Variants in PTPRD observed in about 807,000 individuals in gnomAD.
The protein encoded by PTPRD is receptor-type tyrosine-protein phosphatase delta.
In PTPRD, 34 loss-of-function variants were observed where a neutral mutation model predicts 214.5. The observed-to-expected ratio is 0.16, with a 90% CI of 0.12 to 0.21. PTPRD has a LOEUF of 0.21. Ranked by LOEUF, PTPRD falls within the 10% of genes least tolerant of loss-of-function variation. The probability of loss-of-function intolerance (pLI) is 1.00; values close to 1 mark genes in which losing one functional copy is unlikely to be tolerated. For synonymous variants in PTPRD, 1,128 were observed against 845.7 expected, an observed-to-expected ratio of 1.33 and a Z score of -5.79; for missense variants, 2,545 against 2,398.7, an observed-to-expected ratio of 1.06 and a Z score of -1.27.
intron 2 of PTPRD, among the ~76,000 whole-genome samples, chr9:10,539,736 G>T (rs1239566042): frequency 6.6e-6 from 1 of 152,060 alleles, no homozygotes; most frequent in Non-Finnish European, 1.5e-5. Context: ...GACCCTCTTT[G>T]CTCTCTGTCA....
At chr9:9,474,249 A>T (rs1390875969) in intron 8 of PTPRD, among the ~76,000 whole-genome samples, 5 of 152,122 alleles carry the variant, frequency 3.3e-5, no homozygotes, top group Non-Finnish European at 7.4e-5. Context: ...ACCTCTATAG[A>T]AAATCAGGTG....
chr9:9,549,120 TAGAA>T (rs1175920266), intron 8 of PTPRD, among the ~76,000 whole-genome samples: 2 of 151,988 alleles, frequency 1.3e-5, no homozygotes, highest in African/African-American at 2.4e-5. Context: ...AGATAAGAAA[TAGAA>T]AGCACAAACT....
At chr9:8,451,785 C>G (rs1040432899) in intron 33 of PTPRD, 1 of 411,550 alleles carries the variant, frequency 2.4e-6, no homozygotes, top group Non-Finnish European at 4.8e-6. Flanking sequence ...TCAGGCCCAA[C>G]GACTAAAATT....
At chr9:9,574,548 G>A (rs1358888010) in intron 8 of PTPRD, among the ~76,000 whole-genome samples, 184 bp downstream of exon 8, 2 of 151,828 alleles carry the variant, frequency 1.3e-5, no homozygotes, top group Non-Finnish European at 2.9e-5. Context: ...TCAAATAACT[G>A]TATTACTATA....
chr9:9,957,983 T>A (rs539359260), intron 4 of PTPRD, among the ~76,000 whole-genome samples: 50 of 152,260 alleles, frequency 3.3e-4, no homozygotes, highest in Admixed American at 1.1e-3. Context: ...GGAAAAGGTA[T>A]CTTTCAGCAA....
At chr9:10,152,977 T>G (rs572963040) in intron 3 of PTPRD, among the ~76,000 whole-genome samples, 1 of 152,150 alleles carries the variant, frequency 6.6e-6, no homozygotes, top group Non-Finnish European at 1.5e-5. Context: ...TTGAACTAAT[T>G]GAAGTAGAGA....
At chr9:8,776,856 ATAT>A (rs1010985611) in intron 11 of PTPRD, among the ~76,000 whole-genome samples, 31 of 147,632 alleles carry the variant, frequency 2.1e-4, no homozygotes, top group African/African-American at 4.7e-4. Flanking sequence ...TAATATAAAA[ATAT>A]TATATAATAC....
intron 3 of PTPRD, among the ~76,000 whole-genome samples, chr9:10,172,540 T>G (rs574979068): frequency 9.2e-5 from 14 of 152,324 alleles, no homozygotes; most frequent in Non-Finnish European, 1.8e-4. Flanking sequence ...TGTGAGCCAC[T>G]ACATCATGCC....
intron 9 of PTPRD, among the ~76,000 whole-genome samples, chr9:9,311,292 A>C (rs1958924115): frequency 6.6e-6 from 1 of 152,208 alleles, no homozygotes; most frequent in African/African-American, 2.4e-5. Context: ...TGTCAAACAC[A>C]AAATCATTAT....
At chr9:9,637,111 G>T (rs972081474) in intron 7 of PTPRD, among the ~76,000 whole-genome samples, 1 of 152,098 alleles carries the variant, frequency 6.6e-6, no homozygotes, top group Non-Finnish European at 1.5e-5. Context: ...AACTATTACA[G>T]TATGGATTAA....
chr9:8,730,039 G>A (rs926443429), intron 12 of PTPRD, among the ~76,000 whole-genome samples: 3 of 152,128 alleles, frequency 2.0e-5, no homozygotes, highest in Non-Finnish European at 4.4e-5. Context: ...GGTGGATCAC[G>A]AGGTGAGGAG....
At chr9:8,613,714 G>A (rs1318111748) in intron 14 of PTPRD, among the ~76,000 whole-genome samples, 1 of 152,046 alleles carries the variant, frequency 6.6e-6, no homozygotes, top group Non-Finnish European at 1.5e-5. Flanking sequence ...AGCCTGATTT[G>A]GCTGTCTGCA....
intron 9 of PTPRD, among the ~76,000 whole-genome samples, chr9:9,328,840 G>C (rs2041189140): frequency 6.6e-6 from 1 of 150,954 alleles, no homozygotes; most frequent in African/African-American, 2.4e-5. Flanking sequence ...GTTTCACTAT[G>C]TTGGCCAGGC....
intron 7 of PTPRD, among the ~76,000 whole-genome samples, chr9:9,708,310 C>A (rs1335341585): frequency 2.0e-5 from 3 of 152,044 alleles, no homozygotes; most frequent in African/African-American, 7.2e-5. Context: ...AATGGCAATT[C>A]TCTTCCCTCA....
intron 35 of PTPRD, among the ~76,000 whole-genome samples, chr9:8,416,784 T>A (rs1320521267): frequency 6.6e-6 from 1 of 152,166 alleles, no homozygotes; most frequent in Non-Finnish European, 1.5e-5. Context: ...GGATTATCAC[T>A]ACTTACAGAA....
intron 2 of PTPRD, among the ~76,000 whole-genome samples, chr9:10,491,315 A>G (rs1211625453): frequency 6.6e-6 from 1 of 152,158 alleles, no homozygotes; most frequent in African/African-American, 2.4e-5. Flanking sequence ...ATTGAGGAAT[A>G]CATGTTTCTA....
chr9:10,202,664 T>C (rs916891374), intron 3 of PTPRD, among the ~76,000 whole-genome samples: 7 of 64,074 alleles, frequency 1.1e-4, no homozygotes, highest in Non-Finnish European at 1.7e-4. Flanking sequence ...CTTATAAAAA[T>C]TATATGGATA....
At chr9:10,606,336 C>T (rs10809133) in intron 2 of PTPRD, among the ~76,000 whole-genome samples, 1 of 151,654 alleles carries the variant, frequency 6.6e-6, no homozygotes, top group Non-Finnish European at 1.5e-5. Flanking sequence ...CCATTCTCTA[C>T]CCCCTCCATC....
At chr9:9,771,002 G>C (rs971617280) in intron 5 of PTPRD, among the ~76,000 whole-genome samples, 1 of 152,112 alleles carries the variant, frequency 6.6e-6, no homozygotes, top group Non-Finnish European at 1.5e-5. Context: ...ACTACAATAA[G>C]AGGTATTCTT....
Sources: gnomAD v4.1 joint callset for allele counts (sites outside exome capture counted in the v4.1 genomes callset) on GRCh38, gnomAD v4.1.1 for gene constraint, MANE v1.5 for transcripts, NCBI Gene and HGNC (gene_info 2026-07-23, HGNC 2026-07-21) for gene names.